The following ZMYND11 variants were observed in gnomAD, a reference collection of about 807,000 sequenced individuals.
The protein encoded by ZMYND11 is zinc finger MYND-type containing 11, also known as zinc finger MYND domain-containing protein 11.
In ZMYND11, 9 loss-of-function variants were observed where a neutral mutation model predicts 84.9. The observed-to-expected ratio is 0.11, with a 90% CI of 0.06 to 0.18. ZMYND11 has a LOEUF of 0.18. Ranked by LOEUF, ZMYND11 falls within the 10% of genes least tolerant of loss-of-function variation. The pLI is 1.00. For missense variants in ZMYND11, 409 were observed against 761.0 expected (o/e 0.54, Z 5.44); for synonymous variants, 250 against 244.1 (o/e 1.02, Z -0.23).
chr10:142,359 A>G (rs1346359250), intron 1 of ZMYND11, among the ~76,000 whole-genome samples: 2 of 152,144 alleles, frequency 1.3e-5, no homozygotes, highest in Admixed American at 6.6e-5. Context: ...TCAAAGTGTT[A>G]AGATTAGAGG....
chr10:164,760 C>T (rs955644939), intron 1 of ZMYND11, among the ~76,000 whole-genome samples: 2 of 151,958 alleles, frequency 1.3e-5, no homozygotes, highest in Non-Finnish European at 2.9e-5. Context: ...AAAGGTAGGA[C>T]AGTGTATGTG....
Position 246,987 on chromosome 10 carries a change from C to A in ZMYND11, c.1158+14C>A, listed in dbSNP as rs2303990. 0.96 allele frequency: 1,530,940 copies of A among 1,590,248 alleles called. 737,987 individuals carry two copies. The highest frequency in any genetic ancestry group is 0.97 in the Non-Finnish European group (1,136,527 of 1,167,308). ...AGTAATGAGCAGGTGAGTGTGTCTC[C>A]GGAAGGAAGTGCCTATTCATTATTA... On this transcript the variant is annotated intron_variant, in intron 11 of 14. Coordinates refer to ENST00000381604, the MANE Select transcript of ZMYND11 (RefSeq NM_001370100.5).
intron 1 of ZMYND11, among the ~76,000 whole-genome samples, chr10:161,087 A>T (rs1357419063): frequency 1.3e-5 from 2 of 150,912 alleles, no homozygotes; most frequent in African/African-American, 4.9e-5. Flanking sequence ...TCGGCCTCCC[A>T]AAGTGCTGGG....
intron 1 of ZMYND11, among the ~76,000 whole-genome samples, chr10:144,065 G>A (rs1838124475): frequency 1.3e-5 from 2 of 151,268 alleles, no homozygotes; most frequent in South Asian, 4.2e-4. Flanking sequence ...ATATTTTAAG[G>A]ACTATTCAAA....
intron 2 of ZMYND11, among the ~76,000 whole-genome samples, chr10:186,716 A>AT (rs996649119): frequency 8.7e-5 from 13 of 149,484 alleles, no homozygotes; most frequent in South Asian, 2.1e-4. Flanking sequence ...CATTTGAAGG[A>AT]TTTAAGTCTC....
intron 1 of ZMYND11, among the ~76,000 whole-genome samples, chr10:146,870 G>A (rs114831329): frequency 2.6e-5 from 4 of 152,214 alleles, no homozygotes; most frequent in Non-Finnish European, 4.4e-5. Context: ...CACCTGCACA[G>A]GTTCTCCTGC....
At chr10:134,682 A>AG (rs1248601351), upstream of ZMYND11, 1 of 152,148 alleles carries the variant, frequency 6.6e-6, no homozygotes, top group Non-Finnish European at 1.5e-5. Flanking sequence ...CCCGCGAGCC[A>AG]GGGGCAGGCA....
intron 2 of ZMYND11, among the ~76,000 whole-genome samples, chr10:204,965 C>T (rs978551299): frequency 3.3e-5 from 5 of 151,642 alleles, no homozygotes; most frequent in African/African-American, 1.2e-4. Flanking sequence ...TTTTCTTTGT[C>T]TATGCTGTTT....
chr10:140,478 G>A (rs1366045011), intron 1 of ZMYND11, among the ~76,000 whole-genome samples: 4 of 152,154 alleles, frequency 2.6e-5, no homozygotes, highest in African/African-American at 9.7e-5. Context: ...AAAGAAATCT[G>A]TAAAATAAAA....
intron 1 of ZMYND11, among the ~76,000 whole-genome samples, chr10:152,037 G>A (rs528120925): frequency 6.6e-6 from 1 of 152,266 alleles, no homozygotes; most frequent in South Asian, 2.1e-4. Flanking sequence ...TCACCACCAG[G>A]CCTGCCCTAC....
At position 228,494 on chromosome 10, in the gene ZMYND11, C is replaced by A. The variant is rs567733984; in HGVS notation, c.438+7138C>A. ...AAAGTTCATGAACAGAAAATACTTA[C>A]AAAGTACATGCAGTTTCCTTGTGCT... On this transcript the variant is annotated intron_variant, in intron 4 of 14. Coordinates refer to ENST00000381604, the MANE Select transcript of ZMYND11 (RefSeq NM_001370100.5). 2.6e-5 allele frequency among the ~76,000 whole-genome samples: 4 copies of A among 152,254 alleles called. No homozygotes were observed. In the East Asian group the frequency reaches 7.7e-4, roughly 29 times the overall value.
At chr10:194,089 A>G (rs950697795) in intron 2 of ZMYND11, among the ~76,000 whole-genome samples, 12 of 152,058 alleles carry the variant, frequency 7.9e-5, no homozygotes, top group African/African-American at 1.2e-4. Flanking sequence ...GGCTCAAGCA[A>G]TCCTCCCAAT....
Position 252,507 on chromosome 10 carries a change from T to C in ZMYND11, c.*37T>C. The C allele has an allele frequency of 6.3e-7, 1 of 1,575,736 alleles. No homozygotes were observed. On this transcript the variant is annotated 3_prime_UTR_variant, in exon 15 of 15. Transcript: ENST00000381604. This position sits in a 1 kb window ranked among gnomAD's most constrained non-coding sequence, Gnocchi z 4.6. ...CCCGGAGTCACCCCGATGATTACTC[T>C]TTTCAGACACAGCGGTTTTTGTTTC... is the stretch of plus-strand genomic sequence containing the variant.
chr10:211,920 A>G (rs994294020), intron 3 of ZMYND11, among the ~76,000 whole-genome samples: 2 of 152,210 alleles, frequency 1.3e-5, no homozygotes, highest in Non-Finnish European at 2.9e-5. Flanking sequence ...TTAATTGTTG[A>G]TACCTTATTA....
chr10:240,244 G>A (rs1460182806), intron 8 of ZMYND11, 133 bp downstream of exon 8: 9 of 739,288 alleles, frequency 1.2e-5, no homozygotes, highest in Admixed American at 3.2e-5. Context: ...GGGGGCTCAC[G>A]CCTGTAATCC....
chr10:189,319 G>A (rs746857072), intron 2 of ZMYND11, among the ~76,000 whole-genome samples: 15 of 152,128 alleles, frequency 9.9e-5, no homozygotes, highest in East Asian at 1.9e-4. Flanking sequence ...GTTTATTTAT[G>A]TAAGTTAAAT....
intron 1 of ZMYND11, among the ~76,000 whole-genome samples, chr10:172,840 TACTG>T (rs1554766031): frequency 2.0e-5 from 3 of 152,168 alleles, no homozygotes; most frequent in African/African-American, 7.2e-5. Flanking sequence ...CTTAAAGACT[TACTG>T]TAAACTTTAG....
intron 4 of ZMYND11, among the ~76,000 whole-genome samples, chr10:231,501 A>G (rs189787219): frequency 1.3e-3 from 194 of 152,344 alleles, no homozygotes; most frequent in Non-Finnish European, 2.3e-3. Context: ...GAAAAACTAT[A>G]TCGCTATAAA....
chr10:244,268 G>A (rs145553993), intron 10 of ZMYND11, among the ~76,000 whole-genome samples: 11 of 152,108 alleles, frequency 7.2e-5, no homozygotes, highest in African/African-American at 2.7e-4. Flanking sequence ...GGAGCCACTG[G>A]TTGCAAGTTT....
Sources: allele counts gnomAD v4.1 joint callset (sites outside exome capture counted in the v4.1 genomes callset), GRCh38; gene constraint gnomAD v4.1.1; non-coding constraint Gnocchi (gnomAD v3.1); transcripts MANE v1.5; gene names NCBI Gene and HGNC (gene_info 2026-07-23, HGNC 2026-07-21).